Variants in TRDMT1 observed in about 807,000 individuals in gnomAD.
TRDMT1 encodes tRNA (cytosine(38)-C(5))-methyltransferase.
TRDMT1 carries 49 observed loss-of-function variants against 51.2 expected under a neutral mutation model. The ratio of observed to expected loss-of-function variants is 0.96; its 90% CI spans 0.76 to 1.21. TRDMT1 has a LOEUF of 1.21. Ranked by LOEUF, TRDMT1 falls within the 50% of genes most tolerant of loss-of-function variation. TRDMT1 has a pLI of 0.00. For missense variants in TRDMT1, 534 were observed against 462.3 expected (o/e 1.16, Z -1.42); for synonymous variants, 187 against 164.6 (o/e 1.14, Z -1.04).
intron 10 of TRDMT1, chr10:17,153,060 G>A: frequency 5.5e-6 from 1 of 182,032 alleles, no homozygotes; most frequent in Middle Eastern, 2.5e-3. Flanking sequence ...TCTCTGAGGA[G>A]AATAAATACC....
chr10:17,161,270 A>C (rs1187030626), intron 5 of TRDMT1, among the ~76,000 whole-genome samples: 14 of 152,232 alleles, frequency 9.2e-5, no homozygotes, highest in Non-Finnish European at 1.5e-5. Context: ...AGAAAATATC[A>C]AAATAGAAGA....
At chr10:17,155,607 C>T (rs576122182) in intron 8 of TRDMT1, among the ~76,000 whole-genome samples, 3 of 152,264 alleles carry the variant, frequency 2.0e-5, no homozygotes, top group African/African-American at 7.2e-5. Context: ...ATATAAAAAA[C>T]TCCATAGAAA....
rs888682575 is a variant in TRDMT1, at chr10:17,146,679, T to C, written c.*2361A>G. On this transcript the variant is annotated 3_prime_UTR_variant, in exon 11 of 11. Transcript: ENST00000377799. ...ATGGTGAAGACTGAATTACACATAG[T>C]TCTCCTGAAAATGAGAAGCTATGTT... The C allele has an allele frequency of 2.9e-5, 29 of 985,264 alleles. No homozygotes were observed. The highest frequency in any genetic ancestry group is 6.2e-5 in the Admixed American group (1 of 16,254). The allele number at this position is 985,264 out of a possible 1,614,324, so 61.0% of individuals were successfully genotyped here.
In TRDMT1 at chr10:17,138,792, A is replaced by T. The variant is rs1355959644; in HGVS notation, c.*10248T>A. Among the ~76,000 whole-genome samples the T allele has an allele frequency of 6.6e-6, 1 of 152,092 alleles. No individual in the cohort carries two copies. Among genetic ancestry groups the T allele is most frequent in the African/African-American group, 2.4e-5 (1 of 41,406 alleles). On this transcript the variant is annotated 3_prime_UTR_variant, in exon 11 of 11. Coordinates refer to ENST00000377799, the MANE Select transcript of TRDMT1 (RefSeq NM_004412.7). The stretch of plus-strand genomic sequence containing the variant: ...TTTTTAAGTAATATAATCCCTTCAT[A>T]AACAATGAGAAAAAAATAACGAAAT...
At chr10:17,151,445 T>C (rs1281135375) in intron 10 of TRDMT1, 19 of 969,542 alleles carry the variant, frequency 2.0e-5, no homozygotes, top group African/African-American at 3.5e-5. Flanking sequence ...TCAATGCAGA[T>C]CCATCATTGC....
At chr10:17,188,768 G>A (rs1056109039) in intron 1 of TRDMT1, among the ~76,000 whole-genome samples, 10 of 152,092 alleles carry the variant, frequency 6.6e-5, no homozygotes, top group Admixed American at 3.3e-4. Flanking sequence ...TTTTGAGTTC[G>A]TGTATAATGA....
Position 17,142,211 on chromosome 10 carries a change from T to G in TRDMT1, c.*6829A>C, listed in dbSNP as rs892614160. On this transcript the variant is annotated 3_prime_UTR_variant, in exon 11 of 11. Coordinates refer to ENST00000377799, the MANE Select transcript of TRDMT1 (RefSeq NM_004412.7). ...GTTGTGATTTTTCTGGTTCTTGGTA[T>G]GACAGGCTATTTTACATCGTATCCT... The G allele has an allele frequency of 6.6e-6, 1 of 152,266 alleles. No homozygotes were observed. The highest frequency in any genetic ancestry group is 1.5e-5 in the Non-Finnish European group (1 of 68,044). 9.4% of individuals were successfully genotyped at this position (152,266 alleles called of 1,614,324 possible). A position where few individuals can be genotyped will look rare whatever the true frequency, so the allele number is the denominator to read the frequency against.
At chr10:17,184,082 A>T (rs1358370205) in intron 1 of TRDMT1, among the ~76,000 whole-genome samples, 2 of 152,226 alleles carry the variant, frequency 1.3e-5, no homozygotes, top group Non-Finnish European at 2.9e-5. Flanking sequence ...TAGAGCTGAA[A>T]GTAACCTATT....
chr10:17,176,655 T>G (rs576681438), intron 1 of TRDMT1, among the ~76,000 whole-genome samples: 2 of 152,338 alleles, frequency 1.3e-5, no homozygotes, highest in East Asian at 1.9e-4. Flanking sequence ...AAGATATTAC[T>G]GACACTAATT....
intron 9 of TRDMT1, 54 bp downstream of exon 9, chr10:17,154,623 A>AT: frequency 1.4e-6 from 2 of 1,438,972 alleles, no homozygotes; most frequent in Non-Finnish European, 1.9e-6. Context: ...CAAAGTATTA[A>AT]ACAATTTTAG....
chr10:17,160,459 T>C, intron 5 of TRDMT1, 85 bp from the exon 6 acceptor site: 1 of 973,116 alleles, frequency 1.0e-6, no homozygotes, highest in Admixed American at 3.1e-5. Context: ...GGGTTTCTTT[T>C]GTTTGTTTTC....
At chr10:17,191,879 G>A (rs1311802114) in intron 1 of TRDMT1, among the ~76,000 whole-genome samples, 3 of 152,138 alleles carry the variant, frequency 2.0e-5, no homozygotes, top group African/African-American at 7.2e-5. Context: ...GACAGCTACT[G>A]AGCAGACAGA....
Position 17,148,030 on chromosome 10 carries a change from C to G in TRDMT1, c.*1010G>C, listed in dbSNP as rs1320851891. The G allele has an allele frequency of 2.0e-6, 2 of 984,998 alleles. No homozygotes were observed. Among genetic ancestry groups the G allele is most frequent in the African/African-American group, 3.5e-5 (2 of 57,220 alleles). 61.0% of individuals were successfully genotyped at this position (984,998 alleles called of 1,614,324 possible). ...TGTAATATGATTTCTGGACTTGTTT[C>G]TTTTCATCTCTCTTCTCTTTGTCAC... On this transcript the variant is annotated 3_prime_UTR_variant, in exon 11 of 11. Transcript: ENST00000377799.
intron 1 of TRDMT1, among the ~76,000 whole-genome samples, chr10:17,195,421 A>G (rs1263659413): frequency 6.6e-6 from 1 of 152,154 alleles, no homozygotes; most frequent in Admixed American, 6.5e-5. Context: ...CATGGACAAA[A>G]AGATGGCAAC....
At chr10:17,181,686 T>TACC (rs1843298931) in intron 1 of TRDMT1, among the ~76,000 whole-genome samples, 1 of 11,708 alleles carries the variant, frequency 8.5e-5, no homozygotes, top group African/African-American at 2.1e-4. Flanking sequence ...GTCAAATTTT[T>TACC]TAACACCTAC....
At chr10:17,194,854 A>T (rs1334078461) in intron 1 of TRDMT1, among the ~76,000 whole-genome samples, 2 of 139,556 alleles carry the variant, frequency 1.4e-5, no homozygotes, top group Non-Finnish European at 1.5e-5. Context: ...AATAGCTTGA[A>T]CCCGGGAGGC....
chr10:17,168,937 G>A lies in TRDMT1; in HGVS notation c.175-20C>T. 6.5e-7 allele frequency: 1 copy of A among 1,530,264 alleles called. No individual in the cohort carries two copies. The highest frequency in any genetic ancestry group is 2.3e-5 in the East Asian group (1 of 44,230). The allele number at this position is 1,530,264 out of a possible 1,614,324, so 94.8% of individuals were successfully genotyped here. ...AATGCCCTGAGGAATGAACATTTAGGGGGAAAAAAGAACATAAAAACATGG... is the reference window on the plus strand; with the variant it reads ...AATGCCCTGAGGAATGAACATTTAGAGGGAAAAAAGAACATAAAAACATGG... On this transcript the variant is annotated intron_variant, in intron 2 of 10. Transcript: ENST00000377799.
intron 5 of TRDMT1, among the ~76,000 whole-genome samples, chr10:17,160,866 T>C (rs725355): frequency 0.43 from 64,950 of 152,152 alleles, 15,582 homozygotes; most frequent in South Asian, 0.57. Context: ...AGAAATAATA[T>C]TGAATCAAAA....
intron 1 of TRDMT1, among the ~76,000 whole-genome samples, chr10:17,185,571 G>C (rs1843776588): frequency 6.6e-6 from 1 of 152,154 alleles, no homozygotes; most frequent in African/African-American, 2.4e-5. Flanking sequence ...ATACCCAAAG[G>C]ATTATAAATC....
Sources: allele counts gnomAD v4.1 joint callset (sites outside exome capture counted in the v4.1 genomes callset), GRCh38; gene constraint gnomAD v4.1.1; transcripts MANE v1.5; gene names NCBI Gene and HGNC (gene_info 2026-07-23, HGNC 2026-07-21).